HACD2: variants seen among roughly 807,000 people sequenced by gnomAD.
The protein encoded by HACD2 is 3-hydroxyacyl-CoA dehydratase 2.
Under a neutral mutation model 31.0 loss-of-function variants are expected in HACD2, and 15 were observed. That is an observed-to-expected ratio of 0.48 (90% CI 0.32 to 0.75). HACD2 has a LOEUF of 0.75. Ranked by LOEUF, HACD2 falls within the 30% of genes least tolerant of loss-of-function variation. The pLI, the probability that HACD2 is intolerant of heterozygous loss-of-function variation, is 0.03. For missense variants in HACD2, 283 were observed against 313.0 expected (o/e 0.90, Z 0.72); for synonymous variants, 115 against 122.2 (o/e 0.94, Z 0.39).
At chr3:123,497,810 CTA>C (rs1222629708) in intron 6 of HACD2, among the ~76,000 whole-genome samples, 1 of 152,166 alleles carries the variant, frequency 6.6e-6, no homozygotes, top group Admixed American at 6.5e-5. Flanking sequence ...ACAATTTAGG[CTA>C]TGTGTGCAAC....
intron 3 of HACD2, among the ~76,000 whole-genome samples, chr3:123,553,210 G>C (rs2056638403): frequency 6.6e-6 from 1 of 152,192 alleles, no homozygotes; most frequent in African/African-American, 2.4e-5. Context: ...CAGAGACAGA[G>C]AGAGAGAAAG....
intron 2 of HACD2, among the ~76,000 whole-genome samples, chr3:123,577,619 TCA>T (rs2056921768): frequency 1.1e-5 from 1 of 91,002 alleles, no homozygotes; most frequent in Admixed American, 1.2e-4. Context: ...AGACTCTGTC[TCA>T]AAAAAAAAAA....
At chr3:123,561,718 C>T (rs2056731291) in intron 3 of HACD2, among the ~76,000 whole-genome samples, 1 of 151,936 alleles carries the variant, frequency 6.6e-6, no homozygotes, top group Admixed American at 6.6e-5. Flanking sequence ...CTTAATACTT[C>T]ATTCAACACA....
At chr3:123,573,363 A>G (rs961955059) in intron 2 of HACD2, among the ~76,000 whole-genome samples, 36 of 152,116 alleles carry the variant, frequency 2.4e-4, no homozygotes, top group African/African-American at 2.7e-4. Context: ...TCTGGTTTCT[A>G]TAAGGATGGA....
chr3:123,574,978 G>A (rs1305894037), intron 2 of HACD2, among the ~76,000 whole-genome samples: 1 of 152,044 alleles, frequency 6.6e-6, no homozygotes, highest in Non-Finnish European at 1.5e-5. Flanking sequence ...ATTCTATCCT[G>A]GTAAAATCTG....
At chr3:123,495,981 C>T (rs2055827309) in intron 6 of HACD2, among the ~76,000 whole-genome samples, 1 of 152,154 alleles carries the variant, frequency 6.6e-6, no homozygotes, top group Admixed American at 6.5e-5. Flanking sequence ...CTTTGTTGTA[C>T]AATATCCTTC....
intron 3 of HACD2, among the ~76,000 whole-genome samples, chr3:123,539,910 C>T (rs538385017): frequency 1.7e-4 from 1 of 5,716 alleles, no homozygotes. Flanking sequence ...CTCGTCTCTA[C>T]TAAAAAAAAA....
intron 3 of HACD2, among the ~76,000 whole-genome samples, chr3:123,557,933 A>T (rs1165391403): frequency 6.6e-6 from 1 of 152,252 alleles, no homozygotes; most frequent in African/African-American, 2.4e-5. Flanking sequence ...TTTGGTATTT[A>T]TCCAAAGGAT....
chr3:123,544,439 A>G (rs1312509282), intron 3 of HACD2, among the ~76,000 whole-genome samples: 1 of 152,226 alleles, frequency 6.6e-6, no homozygotes, highest in Non-Finnish European at 1.5e-5. Context: ...TTTTCATATC[A>G]ATCTTCTGTA....
At chr3:123,534,301 G>A (rs2056399802) in intron 3 of HACD2, among the ~76,000 whole-genome samples, 1 of 152,116 alleles carries the variant, frequency 6.6e-6, no homozygotes. Context: ...ACGACGTACT[G>A]CATATATGAT....
At chr3:123,550,807 T>C (rs1032611165) in intron 3 of HACD2, among the ~76,000 whole-genome samples, 5 of 152,058 alleles carry the variant, frequency 3.3e-5, no homozygotes, top group African/African-American at 1.2e-4. Context: ...TGGGAGCCAC[T>C]GAAGCTGTGG....
At chr3:123,525,498 C>T (rs2056269548) in intron 4 of HACD2, among the ~76,000 whole-genome samples, 1 of 152,110 alleles carries the variant, frequency 6.6e-6, no homozygotes. Context: ...AGCAATGATG[C>T]ATGTCCCATA....
chr3:123,561,835 G>A (rs1402674330), intron 3 of HACD2, among the ~76,000 whole-genome samples: 1 of 151,116 alleles, frequency 6.6e-6, no homozygotes, highest in Non-Finnish European at 1.5e-5. Context: ...TTTTTGAGAC[G>A]GGGTCTCACT....
chr3:123,510,698 G>A (rs1163270853), intron 4 of HACD2, among the ~76,000 whole-genome samples: 1 of 152,084 alleles, frequency 6.6e-6, no homozygotes, highest in East Asian at 1.9e-4. Flanking sequence ...CTATCTTTTT[G>A]GCTATTATGA....
chr3:123,509,502 C>CTTT (rs10709116), intron 4 of HACD2, among the ~76,000 whole-genome samples: 2 of 93,496 alleles, frequency 2.1e-5, no homozygotes, highest in African/African-American at 5.8e-5. Flanking sequence ...CCTGTGACTT[C>CTTT]TTTTTTTTTT....
intron 4 of HACD2, among the ~76,000 whole-genome samples, chr3:123,525,009 T>C (rs997780607): frequency 6.6e-6 from 1 of 152,218 alleles, no homozygotes; most frequent in Non-Finnish European, 1.5e-5. Context: ...CTGTAAACTA[T>C]AACATATCAA....
chr3:123,527,579 CA>C (rs2056299625), intron 4 of HACD2, among the ~76,000 whole-genome samples: 1 of 152,162 alleles, frequency 6.6e-6, no homozygotes, highest in African/African-American at 2.4e-5. Flanking sequence ...GCTGGCAATT[CA>C]GATATGCCAA....
chr3:123,503,966 A>AG (rs2055940987), intron 4 of HACD2, among the ~76,000 whole-genome samples: 2 of 152,236 alleles, frequency 1.3e-5, no homozygotes, highest in Non-Finnish European at 2.9e-5. Context: ...TCATTTACAT[A>AG]TCTATTAACT....
chr3:123,507,779 T>G (rs1170370352), intron 4 of HACD2, among the ~76,000 whole-genome samples: 1 of 151,874 alleles, frequency 6.6e-6, no homozygotes, highest in Non-Finnish European at 1.5e-5. Context: ...CATATTTGGG[T>G]GATGGAAATG....
Sources: allele counts gnomAD v4.1 joint callset (sites outside exome capture counted in the v4.1 genomes callset), GRCh38; gene constraint gnomAD v4.1.1; transcripts MANE v1.5; gene names NCBI Gene and HGNC (gene_info 2026-07-23, HGNC 2026-07-21).